Variants in GOLM2 observed in about 807,000 individuals in gnomAD.
The protein encoded by GOLM2 is golgi membrane protein 2, also known as protein GOLM2.
A neutral mutation model predicts 55.9 loss-of-function variants in GOLM2; 26 were observed. The observed-to-expected ratio is 0.47, with a 90% CI of 0.34 to 0.65. The LOEUF (loss-of-function observed/expected upper bound fraction) is 0.65, where lower values mean the gene tolerates loss of function less well. Ranked by LOEUF, GOLM2 falls within the 30% of genes least tolerant of loss-of-function variation. GOLM2 has a pLI of 0.01. For synonymous variants in GOLM2, 165 were observed against 194.6 expected, an observed-to-expected ratio of 0.85 and a Z score of 1.27; for missense variants, 486 against 531.8, an observed-to-expected ratio of 0.91 and a Z score of 0.85.
chr15:44,341,890 G>A (rs1259307318), intron 6 of GOLM2, among the ~76,000 whole-genome samples: 4 of 151,718 alleles, frequency 2.6e-5, no homozygotes, highest in Non-Finnish European at 5.9e-5. Flanking sequence ...TAGAGACGGG[G>A]TTTCACTATC....
intron 4 of GOLM2, among the ~76,000 whole-genome samples, chr15:44,336,613 A>T (rs1056989669): frequency 3.3e-5 from 5 of 151,598 alleles, no homozygotes; most frequent in Admixed American, 2.6e-4. Flanking sequence ...ATTGTGACAC[A>T]CTCTTAAGAT....
chr15:44,306,950 A>G (rs1311389771), intron 1 of GOLM2, among the ~76,000 whole-genome samples: 1 of 152,192 alleles, frequency 6.6e-6, no homozygotes, highest in African/African-American at 2.4e-5. Flanking sequence ...TTATAATAAT[A>G]TTGAAGGTCA....
chr15:44,355,823 A>G (rs893429625), intron 6 of GOLM2: 4 of 153,066 alleles, frequency 2.6e-5, no homozygotes, highest in African/African-American at 7.2e-5. Context: ...TTTTCATGCC[A>G]TATCCCCTGA....
At position 44,351,434 on chromosome 15, in the gene GOLM2, G is replaced by A. The variant is rs983625155; in HGVS notation, c.802+13117G>A. ...TACTAAAAATAACAAAAAATTAGCC[G>A]GGCGTGGTGGCGGGTGCCTATAGTC... is the stretch of plus-strand genomic sequence containing the variant. On this transcript the variant is annotated intron_variant, in intron 6 of 9. Coordinates refer to ENST00000299957, the MANE Select transcript of GOLM2 (RefSeq NM_138423.4). 5.3e-5 allele frequency among the ~76,000 whole-genome samples: 8 copies of A among 151,776 alleles called. No homozygotes were observed. The East Asian group carries it at 7.8e-4, about 15-fold the overall frequency.
At chr15:44,324,641 CATT>C (rs926065105) in intron 2 of GOLM2, among the ~76,000 whole-genome samples, 1 of 152,042 alleles carries the variant, frequency 6.6e-6, no homozygotes, top group Non-Finnish European at 1.5e-5. Flanking sequence ...TTTTTTCAAT[CATT>C]GAGGTAATAA....
At chr15:44,347,666 G>T (rs923119294) in intron 6 of GOLM2, among the ~76,000 whole-genome samples, 3 of 152,160 alleles carry the variant, frequency 2.0e-5, no homozygotes, top group Non-Finnish European at 4.4e-5. Context: ...CTAGAGTAGT[G>T]CTGGGATCAG....
chr15:44,391,038 A>G (rs993626982), intron 8 of GOLM2, among the ~76,000 whole-genome samples: 7 of 152,244 alleles, frequency 4.6e-5, no homozygotes, highest in Admixed American at 3.9e-4. Flanking sequence ...AAATTGGCTC[A>G]TGAAGATTTG....
At chr15:44,316,772 A>G (rs2141125257) in intron 1 of GOLM2, among the ~76,000 whole-genome samples, 1 of 151,978 alleles carries the variant, frequency 6.6e-6, no homozygotes, top group Admixed American at 6.5e-5. Flanking sequence ...AAAAAAACAA[A>G]AAAGAGCTAA....
chr15:44,345,068 C>T (rs2079114797), intron 6 of GOLM2, among the ~76,000 whole-genome samples: 1 of 151,812 alleles, frequency 6.6e-6, no homozygotes, highest in Non-Finnish European at 1.5e-5. Context: ...GCCTCGGCCT[C>T]CCAAAGTGCT....
intron 6 of GOLM2, among the ~76,000 whole-genome samples, chr15:44,363,677 G>C (rs986953107): frequency 6.6e-5 from 10 of 151,968 alleles, no homozygotes; most frequent in African/African-American, 2.2e-4. Context: ...ATTTGACCCA[G>C]CCATCCCATT....
At chr15:44,409,958 C>A (rs1244096973) in intron 9 of GOLM2, 1 of 151,252 alleles carries the variant, frequency 6.6e-6, no homozygotes, top group African/African-American at 2.4e-5. Flanking sequence ...ACACCTTTTC[C>A]TTTCAATAAC....
intron 6 of GOLM2, among the ~76,000 whole-genome samples, chr15:44,348,119 C>A (rs1361220710): frequency 1.3e-5 from 2 of 151,780 alleles, no homozygotes; most frequent in Non-Finnish European, 2.9e-5. Flanking sequence ...TCAGGTATGA[C>A]CCAGCAGTAG....
At chr15:44,398,184 CA>C (rs1195538215) in intron 8 of GOLM2, among the ~76,000 whole-genome samples, 1 of 152,244 alleles carries the variant, frequency 6.6e-6, no homozygotes, top group Non-Finnish European at 1.5e-5. Flanking sequence ...CAGTTGTCTC[CA>C]TGTTCAGATG....
At position 44,327,325 on chromosome 15, in the gene GOLM2, C is replaced by T. The variant is rs536538305; in HGVS notation, c.383-1360C>T. ...ATCCCAGCACTTTGGGAGATTTAGG[C>T]AGAAGGATCGCTTGAGCTCAGGAGT... On this transcript the variant is annotated intron_variant, in intron 2 of 9. Transcript: ENST00000299957. 4.0e-5 allele frequency among the ~76,000 whole-genome samples: 6 copies of T among 151,560 alleles called. No individual in the cohort carries two copies. In the South Asian group the frequency reaches 1.3e-3, roughly 32 times the overall value.
At chr15:44,407,771 CTTTT>C (rs1237254216) in intron 9 of GOLM2, among the ~76,000 whole-genome samples, 4 of 135,794 alleles carry the variant, frequency 2.9e-5, no homozygotes, top group Non-Finnish European at 1.6e-5. Context: ...TTTCTTTTAT[CTTTT>C]TTTTTTTTTT....
At chr15:44,367,926 A>G (rs1042727223) in intron 6 of GOLM2, among the ~76,000 whole-genome samples, 2 of 151,120 alleles carry the variant, frequency 1.3e-5, no homozygotes, top group Non-Finnish European at 1.5e-5. Context: ...TTTATCTTTA[A>G]TTGTTATCAA....
intron 8 of GOLM2, among the ~76,000 whole-genome samples, chr15:44,396,172 T>A (rs1465727918): frequency 6.6e-6 from 1 of 152,054 alleles, no homozygotes; most frequent in Non-Finnish European, 1.5e-5. Flanking sequence ...CTGGCCAACA[T>A]GGCGAAACCC....
chr15:44,329,180 C>T (rs145578204), intron 3 of GOLM2, among the ~76,000 whole-genome samples: 176 of 152,302 alleles, frequency 1.2e-3, no homozygotes, highest in African/African-American at 3.6e-3. Flanking sequence ...GACTGAGTGC[C>T]GGCTGCTCTT....
chr15:44,296,648 C>T (rs993971658), intron 1 of GOLM2, among the ~76,000 whole-genome samples: 4 of 152,208 alleles, frequency 2.6e-5, no homozygotes, highest in Non-Finnish European at 5.9e-5. Context: ...TTCCTTATTT[C>T]TTTTCTGCCT....
Sources: allele counts gnomAD v4.1 joint callset (sites outside exome capture counted in the v4.1 genomes callset), GRCh38; gene constraint gnomAD v4.1.1; transcripts MANE v1.5; gene names NCBI Gene and HGNC (gene_info 2026-07-23, HGNC 2026-07-21).